The following ERMP1 variants were observed in gnomAD, a reference collection of about 807,000 sequenced individuals.
ERMP1 encodes Felix-ina.
A neutral mutation model predicts 92.0 loss-of-function variants in ERMP1; 86 were observed. The ratio of observed to expected loss-of-function variants is 0.93; its 90% CI spans 0.79 to 1.12. ERMP1 has a LOEUF of 1.12. Ranked by LOEUF, ERMP1 falls within the 50% of genes most tolerant of loss-of-function variation. The pLI, the probability that ERMP1 is intolerant of heterozygous loss-of-function variation, is 0.00. For missense variants in ERMP1, 1,342 were observed against 1,116.3 expected (o/e 1.20, Z -2.88); for synonymous variants, 530 against 412.8 (o/e 1.28, Z -3.44).
Position 5,833,041 on chromosome 9 carries a change from AGCTG to A in ERMP1, c.-18_-15del. 1 of 1,478,032 alleles carries A rather than the reference AGCTG, an allele frequency of 6.8e-7. No homozygotes were observed. Among genetic ancestry groups the A allele is most frequent in the African/African-American group, 1.5e-5 (1 of 68,728 alleles). 91.6% of individuals were successfully genotyped at this position (1,478,032 alleles called of 1,614,324 possible). ...ACCCCACTCCATGGCCACGAGCCTC[AGCTG>A]CCAGCCCAACCGCCCCAACCCGCGA... On this transcript the variant is annotated 5_prime_UTR_variant, in exon 1 of 15. Coordinates refer to ENST00000339450, the MANE Select transcript of ERMP1 (RefSeq NM_024896.3).
chr9:5,797,233 G>T (rs1220369583), intron 13 of ERMP1, among the ~76,000 whole-genome samples: 1 of 151,772 alleles, frequency 6.6e-6, no homozygotes, highest in East Asian at 1.9e-4. Flanking sequence ...GTAGAGACGG[G>T]ATGTCACTAT....
At chr9:5,812,322 G>A in intron 5 of ERMP1, 105 bp from the exon 6 acceptor site, 1 of 632,576 alleles carries the variant, frequency 1.6e-6, no homozygotes, top group South Asian at 2.1e-5. Context: ...TGTCAAAGCA[G>A]TGGCACGATT....
intron 4 of ERMP1, among the ~76,000 whole-genome samples, chr9:5,821,551 C>G (rs914207512): frequency 6.6e-6 from 1 of 152,178 alleles, no homozygotes; most frequent in African/African-American, 2.4e-5. Flanking sequence ...GTTAGTCAGT[C>G]TGGACCTGAC....
intron 6 of ERMP1, among the ~76,000 whole-genome samples, chr9:5,859,131 C>T (rs1012112021): frequency 6.6e-6 from 1 of 152,206 alleles, no homozygotes; most frequent in Non-Finnish European, 1.5e-5. Flanking sequence ...AAGTCATGTC[C>T]TCTCTCTGTG....
At chr9:5,853,448 T>C (rs1348737325) in intron 6 of ERMP1, among the ~76,000 whole-genome samples, 3 of 152,104 alleles carry the variant, frequency 2.0e-5, no homozygotes, top group African/African-American at 7.2e-5. Flanking sequence ...GGTTTCAGTG[T>C]TGATCTCCCA....
At chr9:5,813,640 A>AT (rs1829192730) in intron 4 of ERMP1, among the ~76,000 whole-genome samples, 1 of 152,080 alleles carries the variant, frequency 6.6e-6, no homozygotes, top group African/African-American at 2.4e-5. Flanking sequence ...ATTGTGGAGC[A>AT]TTATGGATTT....
Position 5,787,597 on chromosome 9 carries a change from T to A in ERMP1, c.2387-4A>T. The A allele has an allele frequency of 7.5e-6, 12 of 1,605,274 alleles. No individual in the cohort carries two copies. The highest frequency in any genetic ancestry group is 1.0e-5 in the Non-Finnish European group (12 of 1,177,520). On this transcript the variant is annotated splice_polypyrimidine_tract_variant and splice_region_variant and intron_variant, in intron 13 of 14. Coordinates refer to ENST00000339450, the MANE Select transcript of ERMP1 (RefSeq NM_024896.3). ...TAGAAGGACATATGGCTTGGTCCTG[T>A]AAGGTAAAAGGAAGAAAGAACAGTT...
intron 6 of ERMP1, among the ~76,000 whole-genome samples, chr9:5,853,007 CA>C (rs1196525967): frequency 5.9e-5 from 9 of 152,196 alleles, no homozygotes; most frequent in African/African-American, 1.9e-4. Context: ...GACAGATTAA[CA>C]GGGGAAAAAG....
At chr9:5,857,322 G>A (rs901733560) in intron 6 of ERMP1, among the ~76,000 whole-genome samples, 8 of 152,076 alleles carry the variant, frequency 5.3e-5, no homozygotes, top group African/African-American at 1.9e-4. Flanking sequence ...GTGCATGGCC[G>A]AAATTTTTTT....
intron 3 of ERMP1, among the ~76,000 whole-genome samples, chr9:5,824,636 C>A (rs574449265): frequency 6.6e-6 from 1 of 152,048 alleles, no homozygotes; most frequent in Non-Finnish European, 1.5e-5. Context: ...CTCCTGACCT[C>A]GTGATCTGCC....
chr9:5,861,168 G>A (rs1316069073), intron 5 of ERMP1, among the ~76,000 whole-genome samples: 1 of 117,556 alleles, frequency 8.5e-6, no homozygotes, highest in African/African-American at 3.5e-5. Context: ...AATGGCTTAG[G>A]GGGTGTGTGT....
intron 4 of ERMP1, among the ~76,000 whole-genome samples, chr9:5,823,438 C>A (rs1451678556): frequency 6.6e-6 from 1 of 152,072 alleles, no homozygotes; most frequent in Non-Finnish European, 1.5e-5. Flanking sequence ...ATATTTATAT[C>A]ATAACCACCC....
intron 13 of ERMP1, among the ~76,000 whole-genome samples, chr9:5,796,409 C>A (rs955554743): frequency 6.6e-5 from 10 of 152,168 alleles, no homozygotes; most frequent in Non-Finnish European, 1.3e-4. Flanking sequence ...CATAGGCTTA[C>A]CATATATAAT....
chr9:5,858,370 T>A (rs752948615), intron 6 of ERMP1, among the ~76,000 whole-genome samples: 5 of 152,192 alleles, frequency 3.3e-5, no homozygotes, highest in African/African-American at 4.8e-5. Context: ...AAGACCATGT[T>A]GAACAGACCC....
intron 10 of ERMP1, among the ~76,000 whole-genome samples, chr9:5,804,242 A>C (rs1489265852): frequency 6.6e-6 from 1 of 152,156 alleles, no homozygotes; most frequent in Non-Finnish European, 1.5e-5. Context: ...TTCCCACCAA[A>C]AGAGACCTGC....
chr9:5,790,682 T>C (rs10815282), intron 13 of ERMP1, among the ~76,000 whole-genome samples: 10,418 of 152,284 alleles, frequency 0.068, 813 homozygotes, highest in African/African-American at 0.19. Context: ...AGGGGCACTT[T>C]TTAATACTGA....
At chr9:5,815,676 A>G (rs1390771642) in intron 4 of ERMP1, among the ~76,000 whole-genome samples, 6 of 152,158 alleles carry the variant, frequency 3.9e-5, no homozygotes, top group African/African-American at 1.4e-4. Flanking sequence ...GTTTTATGAC[A>G]AACAGGATAT....
Position 5,832,712 on chromosome 9 carries a change from C to G in ERMP1, c.316G>C (p.Glu106Gln). 1 of 1,485,846 alleles carries G rather than the reference C, an allele frequency of 6.7e-7. No homozygotes were observed. Among genetic ancestry groups the G allele is most frequent in the Non-Finnish European group, 8.9e-7 (1 of 1,126,280 alleles). The allele number at this position is 1,485,846 out of a possible 1,614,324, so 92.0% of individuals were successfully genotyped here. Residue 106 changes from glutamate to glutamine, a missense_variant, in exon 1 of 15, where the codon GAG becomes CAG. By Grantham distance (29) the Glu-to-Gln change is conservative. Transcript: ENST00000339450. The part of the protein sequence containing the change: ...VLRGAAGHRG[E>Q]FDALQARDYL... Reference sequence around the variant, plus strand: ...TACCTGGCTTGGAGCGCGTCGAACTCCCCGCGGTGTCCAGCGGCCCCGCGT... The same window carrying G: ...TACCTGGCTTGGAGCGCGTCGAACTGCCCGCGGTGTCCAGCGGCCCCGCGT...
rs1563756465 is a variant in ERMP1 at position 5,807,760 on chromosome 9, A to AAC, written c.1549-1976_1549-1975insGT. 9.9e-5 allele frequency among the ~76,000 whole-genome samples: 15 copies of AAC among 151,834 alleles called. No homozygotes were observed. In the East Asian group the frequency reaches 1.9e-3, roughly 20 times the overall value. On this transcript the variant is annotated intron_variant, in intron 8 of 14. Coordinates refer to ENST00000339450, the MANE Select transcript of ERMP1 (RefSeq NM_024896.3). ...GACTCTGTCTCAACAACAACAACAA[A>AAC]AAAAAAACGGAAACAATTCAAATGT...
Sources: gnomAD v4.1 joint callset for allele counts (sites outside exome capture counted in the v4.1 genomes callset) on GRCh38, gnomAD v4.1.1 for gene constraint, MANE v1.5 for transcripts, NCBI Gene and HGNC (gene_info 2026-07-23, HGNC 2026-07-21) for gene names.